DTHD1: variants seen among roughly 807,000 people sequenced by gnomAD.
The protein encoded by DTHD1 is death domain containing 1.
In DTHD1, 59 loss-of-function variants were observed where a neutral mutation model predicts 74.8. The observed-to-expected ratio is 0.79, with a 90% confidence interval of 0.64 to 0.98. The LOEUF (loss-of-function observed/expected upper bound fraction) is 0.98. DTHD1 is among the 50% of genes least tolerant of loss of function. The pLI, the probability that DTHD1 is intolerant of heterozygous loss-of-function variation, is 0.00. For missense variants in DTHD1, 1,051 were observed against 1,065.4 expected, an observed-to-expected ratio of 0.99 and a Z score of 0.19; for synonymous variants, 365 against 371.1, an observed-to-expected ratio of 0.98 and a Z score of 0.19.
intron 8 of DTHD1, among the ~76,000 whole-genome samples, chr4:36,318,201 G>C (rs180733407): frequency 1.3e-5 from 2 of 152,330 alleles, no homozygotes; most frequent in East Asian, 3.9e-4. Context: ...CAAGAAATCT[G>C]CTTCCTGTGT....
Position 36,290,563 on chromosome 4 carries a change from T to C in DTHD1, c.1078T>C (p.Phe360Leu), listed in dbSNP as rs758011674. The change falls in exon 3 of 10, where the codon TTT becomes CTT. Residue 360 changes from phenylalanine (F) to leucine (L), a missense_variant. Phe to Leu is a conservative substitution (Grantham distance 22). Transcript: ENST00000639862. ...CTCAGATAAGGAAAAGAGAGTTCCA[T>C]TTCCAATAGGCATTGCAATTCCATT... ...ECSDKEKRVP[F>L]PIGIAIPFTA... 24 of 1,551,494 alleles carry C rather than the reference T, an allele frequency of 1.5e-5. No homozygotes were observed. The African/African-American group carries it at 2.7e-4, about 18-fold the overall frequency.
At chr4:36,294,388 T>C (rs1369130376) in intron 4 of DTHD1, among the ~76,000 whole-genome samples, 1 of 152,118 alleles carries the variant, frequency 6.6e-6, no homozygotes, top group African/African-American at 2.4e-5. Context: ...GGAATCATCT[T>C]AGCTATTTTT....
chr4:36,304,897 G>C (rs1299796001), intron 5 of DTHD1, among the ~76,000 whole-genome samples: 2 of 151,898 alleles, frequency 1.3e-5, no homozygotes, highest in Admixed American at 6.6e-5. Flanking sequence ...ATTGACCAAG[G>C]TACCACAGAA....
chr4:36,334,250 T>C (rs1758866603), intron 8 of DTHD1, among the ~76,000 whole-genome samples: 1 of 152,234 alleles, frequency 6.6e-6, no homozygotes, highest in Non-Finnish European at 1.5e-5. Context: ...TGGCCTTATC[T>C]GAGACCAGTT....
intron 5 of DTHD1, among the ~76,000 whole-genome samples, chr4:36,298,117 T>C (rs1756552140): frequency 1.3e-5 from 2 of 152,116 alleles, no homozygotes; most frequent in Non-Finnish European, 2.9e-5. Flanking sequence ...GATATACTCT[T>C]GCCCATTCTA....
chr4:36,339,142 A>T lies in DTHD1; in HGVS notation c.2371A>T (p.Thr791Ser), dbSNP rs1258085323. Residue 791 changes from threonine to serine, a missense_variant, in exon 9 of 10, where the codon ACC becomes TCC. Coordinates refer to ENST00000639862, the MANE Select transcript of DTHD1 (RefSeq NM_001170700.3). ...HKKLINRPQS[T>S]KRVSKDPVEA... ...GAAATTAATCAACCGTCCACAGAGT[A>T]CCAAAAGAGTTTCTAAGGATCCTGT... The T allele has an allele frequency of 6.5e-7, 1 of 1,548,308 alleles. No homozygotes were observed. The highest frequency in any genetic ancestry group is 8.7e-7 in the Non-Finnish European group (1 of 1,144,418).
chr4:36,299,189 TTTC>T (rs1373684592), intron 5 of DTHD1, among the ~76,000 whole-genome samples: 6 of 152,134 alleles, frequency 3.9e-5, no homozygotes, highest in Admixed American at 6.6e-5. Flanking sequence ...CCTGATACAT[TTTC>T]TTCTTCTTCT....
chr4:36,332,537 C>T (rs878893063), intron 8 of DTHD1, among the ~76,000 whole-genome samples: 1 of 152,198 alleles, frequency 6.6e-6, no homozygotes, highest in Admixed American at 6.5e-5. Flanking sequence ...TGTCTTTCCG[C>T]TGCATTGTCT....
intron 2 of DTHD1, among the ~76,000 whole-genome samples, chr4:36,286,122 T>C (rs1755696084): frequency 6.6e-6 from 1 of 152,244 alleles, no homozygotes; most frequent in African/African-American, 2.4e-5. Flanking sequence ...TGATGAATTC[T>C]ATGGTTGAGG....
At chr4:36,333,488 C>G (rs13128955) in intron 8 of DTHD1, 31,430 of 152,154 alleles carry the variant, frequency 0.21, 4,164 homozygotes, top group Non-Finnish European at 0.29. Context: ...TTTTACCACA[C>G]AGCTCACACA....
In DTHD1 at chr4:36,331,406, C is replaced by T. The variant is rs574216468; in HGVS notation, c.2341-7706C>T. Among the ~76,000 whole-genome samples, 233 of 152,134 alleles carry T rather than the reference C, an allele frequency of 1.5e-3. No individual in the cohort carries two copies. The Middle Eastern group carries it at 0.017, about 11-fold the overall frequency. On this transcript the variant is annotated intron_variant, in intron 8 of 9. Transcript: ENST00000639862. ...AGTGGTCTATATGCAAAATAAATACCAAGTACAGTAAGCAGGAAAAGTCAG... is the reference window on the plus strand; with the variant it reads ...AGTGGTCTATATGCAAAATAAATACTAAGTACAGTAAGCAGGAAAAGTCAG...
At chr4:36,295,149 T>C in intron 5 of DTHD1, 110 bp downstream of exon 5, 1 of 1,224,336 alleles carries the variant, frequency 8.2e-7, no homozygotes, top group Non-Finnish European at 1.1e-6. Flanking sequence ...TAAAATATTA[T>C]GAAATATCTT....
At chr4:36,342,317 G>T (rs1003983140) in intron 9 of DTHD1, among the ~76,000 whole-genome samples, 26 of 152,064 alleles carry the variant, frequency 1.7e-4, no homozygotes, top group African/African-American at 6.3e-4. Context: ...GTAAAATCAG[G>T]GTGCAATTTA....
At chr4:36,323,572 C>G (rs1302691349) in intron 8 of DTHD1, among the ~76,000 whole-genome samples, 3 of 151,096 alleles carry the variant, frequency 2.0e-5, no homozygotes, top group Non-Finnish European at 3.0e-5. Flanking sequence ...TATGTTATTG[C>G]TAGGTATTTT....
chr4:36,290,582 T>A lies in DTHD1; in HGVS notation c.1097T>A (p.Ile366Asn). The A allele has an allele frequency of 6.4e-7, 1 of 1,551,490 alleles. No individual in the cohort carries two copies. The highest frequency in any genetic ancestry group is 8.7e-7 in the Non-Finnish European group (1 of 1,146,990). ...GTTCCATTTCCAATAGGCATTGCAA[T>A]TCCATTTACTGCACGTTACAGAGGA... Reference protein sequence around the residue: ...KRVPFPIGIAIPFTARYRGNY... With the variant: ...KRVPFPIGIANPFTARYRGNY... The change falls in exon 3 of 10, where the codon ATT becomes AAT. Residue 366 changes from isoleucine to asparagine, a missense_variant. Ile to Asn is a moderately radical substitution (Grantham distance 149). Coordinates refer to ENST00000639862, the MANE Select transcript of DTHD1 (RefSeq NM_001170700.3).
chr4:36,296,278 T>G (rs998561879), intron 5 of DTHD1, among the ~76,000 whole-genome samples: 4 of 152,162 alleles, frequency 2.6e-5, no homozygotes, highest in Non-Finnish European at 5.9e-5. Context: ...GTTTTGTTTT[T>G]AAATACAAGG....
chr4:36,336,827 A>G (rs1759034914), intron 8 of DTHD1, among the ~76,000 whole-genome samples: 1 of 152,250 alleles, frequency 6.6e-6, no homozygotes, highest in Admixed American at 6.5e-5. Context: ...AAGTTTTACA[A>G]TGCATTTTGA....
chr4:36,304,821 T>C (rs1756953477), intron 5 of DTHD1, among the ~76,000 whole-genome samples: 1 of 152,200 alleles, frequency 6.6e-6, no homozygotes, highest in Non-Finnish European at 1.5e-5. Flanking sequence ...CCTCTTGATT[T>C]TTCTCCTTTT....
intron 1 of DTHD1, among the ~76,000 whole-genome samples, chr4:36,282,266 C>T (rs777733431): frequency 1.1e-4 from 16 of 152,094 alleles, no homozygotes; most frequent in Non-Finnish European, 1.9e-4. Context: ...CAGTTTAAAT[C>T]CCATCTGTAG....
Sources: gnomAD v4.1 joint callset for allele counts (sites outside exome capture counted in the v4.1 genomes callset) on GRCh38, gnomAD v4.1.1 for gene constraint, MANE v1.5 for transcripts, NCBI Gene and HGNC (gene_info 2026-07-23, HGNC 2026-07-21) for gene names.